Variants in FSD1 observed in about 807,000 individuals in gnomAD.
FSD1 encodes the protein fibronectin type III and SPRY domain containing 1.
A neutral mutation model predicts 58.2 loss-of-function variants in FSD1; 23 were observed. The observed-to-expected ratio is 0.40, with a 90% CI of 0.28 to 0.56. The LOEUF is 0.56. FSD1 is among the 20% of genes least tolerant of loss of function. FSD1 has a pLI of 0.54. For synonymous variants in FSD1, 265 were observed against 263.4 expected (o/e 1.01, Z -0.06); for missense variants, 563 against 670.8 (o/e 0.84, Z 1.78).
chr19:4,319,051 G>T, intron 10 of FSD1, 100 bp downstream of exon 10: 1 of 888,488 alleles, frequency 1.1e-6, no homozygotes, highest in Non-Finnish European at 1.9e-6. Flanking sequence ...GAAACAGGCA[G>T]CCATCAGCAA....
chr19:4,319,637 T>C (rs540086669), intron 10 of FSD1, among the ~76,000 whole-genome samples: 1 of 152,212 alleles, frequency 6.6e-6, no homozygotes, highest in East Asian at 1.9e-4. Context: ...TATGGTTCTA[T>C]GGGGATCTAA....
In FSD1 at chr19:4,315,658, T is replaced by C. The variant is rs1398863135; in HGVS notation, c.701-1524T>C. Among the ~76,000 whole-genome samples, 8 of 133,814 alleles carry C rather than the reference T, an allele frequency of 6.0e-5. No individual in the cohort carries two copies. In the Admixed American group the frequency reaches 6.4e-4, roughly 11 times the overall value. 87.8% of individuals were successfully genotyped at this position (133,814 alleles called of 152,430 possible). On this transcript the variant is annotated intron_variant, in intron 7 of 12. Coordinates refer to ENST00000221856, the MANE Select transcript of FSD1 (RefSeq NM_024333.3). ...TGCAGTCTCGCTCTGTCACCCAGGC[T>C]GGAGTGCAATGATGCGATCTTTGGC... is the stretch of plus-strand genomic sequence containing the variant.
intron 3 of FSD1, among the ~76,000 whole-genome samples, 155 bp from the exon 4 acceptor site, chr19:4,307,727 C>A (rs989371181): frequency 2.6e-5 from 4 of 152,280 alleles, no homozygotes; most frequent in East Asian, 1.9e-4. Context: ...CGAGCCCAGC[C>A]CCATTTGGTG....
intron 10 of FSD1, among the ~76,000 whole-genome samples, chr19:4,321,462 A>G (rs1599542731): frequency 2.0e-5 from 2 of 98,720 alleles, no homozygotes; most frequent in African/African-American, 4.2e-5. Flanking sequence ...GAGTATCTGG[A>G]GGGGAATAGC....
At chr19:4,306,425 A>G (rs947692564) in intron 3 of FSD1, 96 bp downstream of exon 3, 73 of 1,279,840 alleles carry the variant, frequency 5.7e-5, no homozygotes, top group Non-Finnish European at 8.0e-5. Flanking sequence ...GGTGCTCTCG[A>G]GTTTCTGATC....
intron 9 of FSD1, 81 bp from the exon 10 acceptor site, chr19:4,318,791 G>T: frequency 8.9e-7 from 1 of 1,123,874 alleles, no homozygotes. Flanking sequence ...GGTGGCTGGG[G>T]TGGACTAGGG....
At chr19:4,322,365 A>T (rs958371979) in intron 10 of FSD1, among the ~76,000 whole-genome samples, 5 of 151,382 alleles carry the variant, frequency 3.3e-5, no homozygotes, top group African/African-American at 1.2e-4. Flanking sequence ...TGGGATCCCG[A>T]GGAGTATCTG....
Position 4,311,876 on chromosome 19 carries a change from C to T in FSD1, c.525C>T (p.Ser175=). Residue 175 remains serine (S), a synonymous_variant, in exon 7 of 13, where the codon TCC becomes TCT. Coordinates refer to ENST00000221856, the MANE Select transcript of FSD1 (RefSeq NM_024333.3). ...CACCCGTGATCGACCTGGCTGAGTC[C>T]CTGGTGGCAGATAACTGTGTGACCC... ...PSAPVIDLAE[S]LVADNCVTLV... The T allele has an allele frequency of 6.2e-7, 1 of 1,614,172 alleles. No homozygotes were observed. The highest frequency in any genetic ancestry group is 8.5e-7 in the Non-Finnish European group (1 of 1,180,038).
chr19:4,321,218 CT>C (rs1159582485), intron 10 of FSD1, among the ~76,000 whole-genome samples: 1 of 116,752 alleles, frequency 8.6e-6, no homozygotes, highest in Non-Finnish European at 1.7e-5. Context: ...TGAGGAGTAT[CT>C]GGGGGGAATA....
rs1356306875 is a variant in FSD1, at chr19:4,311,846, C to T, written c.495C>T (p.Pro165=). The T allele has an allele frequency of 1.1e-5, 17 of 1,613,994 alleles. No homozygotes were observed. The highest frequency in any genetic ancestry group is 1.2e-5 in the Non-Finnish European group (14 of 1,179,994). The part of the protein sequence containing the change: ...MLQALKFLPV[P]SAPVIDLAES... ...TCTCCTTTCCGTCTTGGTCAGTGCC[C>T]AGCGCACCCGTGATCGACCTGGCTG... The change falls in exon 7 of 13, where the codon CCC becomes CCT. Residue 165 remains proline, a synonymous_variant. Transcript: ENST00000221856.
At chr19:4,322,859 G>A (rs1971716567) in intron 10 of FSD1, 127 bp from the exon 11 acceptor site, 1 of 1,171,226 alleles carries the variant, frequency 8.5e-7, no homozygotes, top group Non-Finnish European at 1.2e-6. Context: ...CTAGGAACCT[G>A]GGGAGTGTCT....
In FSD1 at chr19:4,318,863, C is replaced by T. The variant is rs1351475571; in HGVS notation, c.960-9C>T. ...CCTCCTGAGCCTGCCCACTCCCTGC[C>T]CACCACAGAGGTACTCCATCTCCCA... is the stretch of plus-strand genomic sequence containing the variant. On this transcript the variant is annotated splice_polypyrimidine_tract_variant and intron_variant, in intron 9 of 12. Coordinates refer to ENST00000221856, the MANE Select transcript of FSD1 (RefSeq NM_024333.3). 6.2e-7 allele frequency: 1 copy of T among 1,612,528 alleles called. No homozygotes were observed. Among genetic ancestry groups the T allele is most frequent in the African/African-American group, 1.3e-5 (1 of 74,894 alleles).
At chr19:4,306,062 C>T in intron 2 of FSD1, 21 bp downstream of exon 2, 1 of 1,609,772 alleles carries the variant, frequency 6.2e-7, no homozygotes, top group East Asian at 2.2e-5. Context: ...TGGGGCAGTC[C>T]TGGGGAGGTA....
chr19:4,305,312 C>G (rs1971606337), intron 1 of FSD1, among the ~76,000 whole-genome samples: 1 of 150,726 alleles, frequency 6.6e-6, no homozygotes, highest in Non-Finnish European at 1.5e-5. Flanking sequence ...TTTCTCCTTG[C>G]TTATCTTTCT....
intron 5 of FSD1, 27 bp from the exon 6 acceptor site, chr19:4,310,448 G>T (rs370384771): frequency 3.1e-6 from 5 of 1,606,694 alleles, no homozygotes; most frequent in South Asian, 1.1e-5. Context: ...GGTCCCCCAC[G>T]CAACGCCTGC....
rs1255492937 is a variant in FSD1 at position 4,306,321 on chromosome 19, G to C, written c.235G>C (p.Glu79Gln). The C allele has an allele frequency of 6.2e-7, 1 of 1,613,788 alleles. No individual in the cohort carries two copies. The change falls in exon 3 of 13, where the codon GAG becomes CAG. Residue 79 changes from glutamate (E) to glutamine (Q), a missense_variant. Coordinates refer to ENST00000221856, the MANE Select transcript of FSD1 (RefSeq NM_024333.3). ...ACAGGACCGTGCCAGCCGTACCTAC[G>C]AGCTGCAGGTGAGGGCTGAGGGCAT... The part of the protein sequence containing the change: ...IKQDRASRTY[E>Q]LQNQLAACTR...
chr19:4,318,562 G>GAC, intron 9 of FSD1, 57 bp downstream of exon 9: 1 of 1,452,144 alleles, frequency 6.9e-7, no homozygotes, highest in Non-Finnish European at 9.3e-7. Context: ...TCTGGACATG[G>GAC]ACACAGAGCC....
Position 4,314,794 on chromosome 19 carries a change from C to T in FSD1, c.701-2388C>T, listed in dbSNP as rs370516248. ...GCCACCACGCCCCGCCACATTTTAC[C>T]AGTTTTACACGCGCTCATTCGGGTG... is the stretch of plus-strand genomic sequence containing the variant. On this transcript the variant is annotated intron_variant, in intron 7 of 12. Transcript: ENST00000221856. Among the ~76,000 whole-genome samples the T allele has an allele frequency of 7.2e-5, 11 of 152,214 alleles. No individual in the cohort carries two copies. The East Asian group carries it at 9.6e-4, about 13-fold the overall frequency.
At chr19:4,310,926 C>G (rs1350907552) in intron 6 of FSD1, 1 of 219,030 alleles carries the variant, frequency 4.6e-6, no homozygotes, top group Non-Finnish European at 9.3e-6. Flanking sequence ...ATGAGAAGGT[C>G]AAACTCACCA....
Sources: gnomAD v4.1 joint callset for allele counts (sites outside exome capture counted in the v4.1 genomes callset) on GRCh38, gnomAD v4.1.1 for gene constraint, MANE v1.5 for transcripts, NCBI Gene and HGNC (gene_info 2026-07-23, HGNC 2026-07-21) for gene names.